The following RPS6KA2 variants were observed in gnomAD, a reference collection of about 807,000 sequenced individuals.
RPS6KA2 encodes ribosomal protein S6 kinase alpha-2.
In RPS6KA2, 42 loss-of-function variants were observed where a neutral mutation model predicts 91.8. That is an observed-to-expected ratio of 0.46 (90% CI 0.36 to 0.59). RPS6KA2 has a LOEUF of 0.59. Ranked by LOEUF, RPS6KA2 falls within the 20% of genes least tolerant of loss-of-function variation. The pLI is 0.00. For synonymous variants in RPS6KA2, 414 were observed against 393.6 expected (o/e 1.05, Z -0.61); for missense variants, 798 against 978.5 (o/e 0.82, Z 2.46).
rs375501165 is a variant in RPS6KA2, at chr6:166,442,566, C to CATCATAT, written c.1332+6157_1332+6158insATATGAT. Among the ~76,000 whole-genome samples, 976 of 152,272 alleles carry CATCATAT rather than the reference C, an allele frequency of 6.4e-3. 12 individuals are homozygous for CATCATAT. Among genetic ancestry groups the CATCATAT allele is most frequent in the African/African-American group, 0.022 (915 of 41,554 alleles). On this transcript the variant is annotated intron_variant, in intron 14 of 20. Coordinates refer to ENST00000265678, the MANE Select transcript of RPS6KA2 (RefSeq NM_021135.6). ...ACGTACTGAGTATGAAGTATTTACT[C>CATCATAT]TCGTCATCCTCGTAACTCTCGTCAC...
chr6:166,741,861 T>C (rs953737898), intron 2 of RPS6KA2, among the ~76,000 whole-genome samples: 16 of 152,192 alleles, frequency 1.1e-4, no homozygotes, highest in Admixed American at 2.6e-4. Context: ...GCGCAGTGGC[T>C]CGCACCTGTA....
chr6:166,727,425 C>T (rs1279782582), intron 2 of RPS6KA2, among the ~76,000 whole-genome samples: 1 of 151,954 alleles, frequency 6.6e-6, no homozygotes, highest in African/African-American at 2.4e-5. Flanking sequence ...GGTTGTGATG[C>T]CTGGTGGCAG....
At chr6:166,560,123 A>G (rs1784296708) in intron 1 of RPS6KA2, among the ~76,000 whole-genome samples, 1 of 152,198 alleles carries the variant, frequency 6.6e-6, no homozygotes, top group Admixed American at 6.5e-5. Context: ...TACCAGACAC[A>G]GCAGACACAC....
intron 1 of RPS6KA2, among the ~76,000 whole-genome samples, chr6:166,582,222 G>A (rs376372921): frequency 6.6e-6 from 1 of 151,956 alleles, no homozygotes; most frequent in Non-Finnish European, 1.5e-5. Context: ...CAGGTGGGGT[G>A]AGCAGGAGGG....
chr6:166,837,484 C>T (rs1026381729), intron 2 of RPS6KA2, among the ~76,000 whole-genome samples: 28 of 152,200 alleles, frequency 1.8e-4, no homozygotes, highest in African/African-American at 5.3e-4. Flanking sequence ...AAAAGGCGAC[C>T]GCAGGGTGGA....
intron 2 of RPS6KA2, among the ~76,000 whole-genome samples, chr6:166,672,899 G>T (rs991471941): frequency 6.6e-6 from 1 of 152,196 alleles, no homozygotes; most frequent in African/African-American, 2.4e-5. Flanking sequence ...AGCCTCGGCA[G>T]AAGGAGGCTC....
intron 3 of RPS6KA2, among the ~76,000 whole-genome samples, chr6:166,513,059 A>G (rs1006535012): frequency 6.6e-6 from 1 of 152,172 alleles, no homozygotes; most frequent in Non-Finnish European, 1.5e-5. Context: ...AAAATACACT[A>G]ACACTAGCTA....
chr6:166,642,666 A>T (rs1282952994), intron 2 of RPS6KA2, among the ~76,000 whole-genome samples: 1 of 152,260 alleles, frequency 6.6e-6, no homozygotes, highest in Non-Finnish European at 1.5e-5. Flanking sequence ...TAATTGCCAA[A>T]CTAATAGAGG....
intron 1 of RPS6KA2, among the ~76,000 whole-genome samples, chr6:166,618,610 A>G (rs967634327): frequency 9.9e-5 from 15 of 152,198 alleles, no homozygotes; most frequent in Admixed American, 6.5e-4. Context: ...GCTGAGTGGG[A>G]GGTGGAGATA....
In RPS6KA2 at chr6:166,412,918, C is replaced by G; in HGVS notation, c.2077-31G>C. 2 of 1,533,522 alleles carry G rather than the reference C, an allele frequency of 1.3e-6. No individual in the cohort carries two copies. The highest frequency in any genetic ancestry group is 1.2e-5 in the South Asian group (1 of 82,884). 95.0% of individuals were successfully genotyped at this position (1,533,522 alleles called of 1,614,324 possible). On this transcript the variant is annotated intron_variant, in intron 20 of 20. Transcript: ENST00000265678. This position sits in a 1 kb window ranked among gnomAD's most constrained non-coding sequence, Gnocchi z 4.3. ...AAACAGAAGACAAGGGTGAGAGCCG[C>G]GGCGCCTCACTCCAGGGGTTGAGCC...
At chr6:166,512,301 T>C (rs1467396655) in intron 3 of RPS6KA2, among the ~76,000 whole-genome samples, 2 of 152,246 alleles carry the variant, frequency 1.3e-5, no homozygotes, top group South Asian at 2.1e-4. Flanking sequence ...AGGATCGTGG[T>C]GAACAGGAGC....
chr6:166,739,024 T>C (rs1046512981), intron 2 of RPS6KA2, among the ~76,000 whole-genome samples: 31 of 152,200 alleles, frequency 2.0e-4, no homozygotes, highest in Admixed American at 1.3e-4. Flanking sequence ...CTAGCAATAT[T>C]GCTTCACTGG....
chr6:166,526,329 A>G (rs897015077), intron 3 of RPS6KA2, among the ~76,000 whole-genome samples: 13 of 138,886 alleles, frequency 9.4e-5, no homozygotes, highest in Non-Finnish European at 1.7e-4. Flanking sequence ...CTATTCTTCT[A>G]TGTTTATATG....
chr6:166,830,335 T>C (rs1477946002), intron 2 of RPS6KA2, among the ~76,000 whole-genome samples: 1 of 152,046 alleles, frequency 6.6e-6, no homozygotes, highest in Non-Finnish European at 1.5e-5. Context: ...GCTGTCTCAT[T>C]GGGGAAGTGG....
chr6:166,514,448 G>T (rs560795125), intron 3 of RPS6KA2, among the ~76,000 whole-genome samples: 2 of 152,170 alleles, frequency 1.3e-5, no homozygotes, highest in Non-Finnish European at 2.9e-5. Flanking sequence ...CCTTACAGGG[G>T]ACCCGGGAGC....
At chr6:166,796,747 T>G (rs1251023987) in intron 2 of RPS6KA2, among the ~76,000 whole-genome samples, 1 of 152,174 alleles carries the variant, frequency 6.6e-6, no homozygotes, top group African/African-American at 2.4e-5. Context: ...CAGTCCTGAG[T>G]GCGACTGCAC....
At chr6:166,660,497 T>A (rs1788135198) in intron 2 of RPS6KA2, among the ~76,000 whole-genome samples, 1 of 152,058 alleles carries the variant, frequency 6.6e-6, no homozygotes, top group Non-Finnish European at 1.5e-5. Context: ...ACACAAGACA[T>A]CATGCCAGGC....
At chr6:166,446,852 A>G (rs551276142) in intron 14 of RPS6KA2, among the ~76,000 whole-genome samples, 61 of 152,338 alleles carry the variant, frequency 4.0e-4, no homozygotes, top group African/African-American at 1.3e-3. Context: ...CACCTGGTAA[A>G]TAATCTAAAG....
intron 2 of RPS6KA2, among the ~76,000 whole-genome samples, chr6:166,697,909 G>T (rs1021305861): frequency 1.3e-5 from 2 of 152,174 alleles, no homozygotes; most frequent in Admixed American, 1.3e-4. Context: ...GATCTGGCAC[G>T]GGGAGGACTC....
Sources: gnomAD v4.1 joint callset for allele counts (sites outside exome capture counted in the v4.1 genomes callset) on GRCh38, gnomAD v4.1.1 for gene constraint, Gnocchi (gnomAD v3.1) non-coding constraint, MANE v1.5 for transcripts, NCBI Gene and HGNC (gene_info 2026-07-23, HGNC 2026-07-21) for gene names.